AOPEP: variants seen among roughly 807,000 people sequenced by gnomAD.
AOPEP encodes aminopeptidase O (putative).
Under a neutral mutation model 98.1 loss-of-function variants are expected in AOPEP, and 77 were observed. That is an observed-to-expected ratio of 0.78 (90% CI 0.65 to 0.95). The LOEUF is 0.95. AOPEP is among the 40% of genes least tolerant of loss of function. The pLI, the probability that AOPEP is intolerant of heterozygous loss-of-function variation, is 0.00. For synonymous variants in AOPEP, 346 were observed against 365.3 expected (o/e 0.95, Z 0.60); for missense variants, 1,024 against 1,024.7 (o/e 1.00, Z 0.01).
chr9:94,801,975 T>C (rs1033976450), intron 5 of AOPEP, among the ~76,000 whole-genome samples: 1 of 152,232 alleles, frequency 6.6e-6, no homozygotes, highest in African/African-American at 2.4e-5. Context: ...GCTTTTGATC[T>C]TTACTACATG....
chr9:94,737,290 G>A (rs1226925894), intron 1 of AOPEP, among the ~76,000 whole-genome samples: 2 of 152,174 alleles, frequency 1.3e-5, no homozygotes, highest in African/African-American at 4.8e-5. Flanking sequence ...TTTTTCTTTT[G>A]TAGAGATGGG....
At chr9:94,851,605 C>T (rs957792691) in intron 5 of AOPEP, among the ~76,000 whole-genome samples, 2 of 151,660 alleles carry the variant, frequency 1.3e-5, no homozygotes, top group East Asian at 3.9e-4. Flanking sequence ...GATGTTTAAT[C>T]TTTCTGTTGG....
intron 14 of AOPEP, among the ~76,000 whole-genome samples, chr9:95,063,328 G>T (rs1329561143): frequency 6.6e-6 from 1 of 152,180 alleles, no homozygotes; most frequent in Non-Finnish European, 1.5e-5. Context: ...GCTACCCATG[G>T]CAGTGAGATG....
intron 11 of AOPEP, chr9:95,004,308 A>C (rs887562051): frequency 1.3e-5 from 6 of 456,320 alleles, no homozygotes; most frequent in Non-Finnish European, 2.6e-5. Flanking sequence ...CTTTCTCCCT[A>C]ATTATGAAAA....
intron 7 of AOPEP, among the ~76,000 whole-genome samples, chr9:94,951,597 A>G (rs183286163): frequency 6.6e-5 from 10 of 152,372 alleles, no homozygotes; most frequent in African/African-American, 1.7e-4. Context: ...AGCTGTTAGT[A>G]CTAGTCCAGT....
chr9:95,102,543 A>G, the AOPEP span, among the ~76,000 whole-genome samples: 3 of 152,216 alleles, frequency 2.0e-5, no homozygotes, highest in Admixed American at 6.5e-5. Flanking sequence ...TAAGTTTTTG[A>G]AAGAGTAACC....
intron 14 of AOPEP, among the ~76,000 whole-genome samples, chr9:95,073,432 A>G (rs2068701490): frequency 6.6e-6 from 1 of 151,576 alleles, no homozygotes; most frequent in South Asian, 2.1e-4. Flanking sequence ...TCCATCTAGT[A>G]GGTCACCAGT....
At chr9:95,027,899 A>C (rs1262378466) in intron 13 of AOPEP, among the ~76,000 whole-genome samples, 2 of 152,238 alleles carry the variant, frequency 1.3e-5, no homozygotes, top group Non-Finnish European at 2.9e-5. Flanking sequence ...TTTTCTAAAT[A>C]AGTCGTATCA....
At chr9:95,034,304 G>C (rs2064582768) in intron 13 of AOPEP, among the ~76,000 whole-genome samples, 1 of 152,204 alleles carries the variant, frequency 6.6e-6, no homozygotes, top group Non-Finnish European at 1.5e-5. Context: ...TCTTTGACAA[G>C]GGAAAATAGA....
chr9:95,107,905 T>C, the AOPEP span, among the ~76,000 whole-genome samples: 1 of 152,216 alleles, frequency 6.6e-6, no homozygotes, highest in Non-Finnish European at 1.5e-5. Context: ...TAATTATAAG[T>C]CTGCAGGTTG....
At chr9:94,806,264 A>G (rs1167276017) in intron 5 of AOPEP, among the ~76,000 whole-genome samples, 2 of 151,860 alleles carry the variant, frequency 1.3e-5, no homozygotes, top group East Asian at 1.9e-4. Context: ...GTTTCTTGTT[A>G]TTGTTGTCGT....
chr9:95,116,095 A>G, the AOPEP span, among the ~76,000 whole-genome samples: 1 of 152,244 alleles, frequency 6.6e-6, no homozygotes, highest in African/African-American at 2.4e-5. Context: ...AAGTTACACA[A>G]ACGGAAAGGT....
At chr9:95,138,307 G>A in the AOPEP span, among the ~76,000 whole-genome samples, 1 of 152,232 alleles carries the variant, frequency 6.6e-6, no homozygotes, top group Admixed American at 6.5e-5. Flanking sequence ...AGCTTTACTG[G>A]GTGGGCCAGA....
chr9:95,082,150 G>A (rs1011701090), intron 15 of AOPEP, among the ~76,000 whole-genome samples: 4 of 152,192 alleles, frequency 2.6e-5, no homozygotes, highest in African/African-American at 4.8e-5. Context: ...AGGACTTCCC[G>A]GATGAGCTCA....
At chr9:94,772,858 C>G in intron 2 of AOPEP, 144 bp from the exon 3 acceptor site, 1 of 761,402 alleles carries the variant, frequency 1.3e-6, no homozygotes, top group South Asian at 2.9e-5. Flanking sequence ...AGCTTCAGTT[C>G]AAAATGCTAG....
At chr9:94,741,366 A>G (rs1021790753) in intron 1 of AOPEP, among the ~76,000 whole-genome samples, 140 of 151,456 alleles carry the variant, frequency 9.2e-4, no homozygotes, top group African/African-American at 3.1e-3. Context: ...TCCGCCTCCC[A>G]GGTTCACGCC....
rs542380065 is a variant in AOPEP at position 94,932,872 on chromosome 9, T to G, written c.1661+4341T>G. The G allele has an allele frequency of 1.3e-5, 13 of 985,360 alleles. 1 individual carries two copies. In the South Asian group the frequency reaches 5.6e-4, roughly 43 times the overall value. 61.0% of individuals were successfully genotyped at this position (985,360 alleles called of 1,614,324 possible). On this transcript the variant is annotated intron_variant, in intron 7 of 16. Coordinates refer to ENST00000375315, the MANE Select transcript of AOPEP (RefSeq NM_001193329.3). ...CCTTGTAAGTCATTCGTTAACAGGTTTCTTGTATTTTCCTAGCCTTCTCAG... is the reference window on the plus strand; with the variant it reads ...CCTTGTAAGTCATTCGTTAACAGGTGTCTTGTATTTTCCTAGCCTTCTCAG...
intron 4 of AOPEP, among the ~76,000 whole-genome samples, chr9:94,796,092 C>A (rs1185963857): frequency 6.6e-6 from 1 of 152,144 alleles, no homozygotes; most frequent in Non-Finnish European, 1.5e-5. Context: ...AGTGCACCCT[C>A]TGTGTGCAAG....
intron 5 of AOPEP, among the ~76,000 whole-genome samples, chr9:94,913,938 T>C (rs1404553241): frequency 8.5e-5 from 13 of 152,248 alleles, no homozygotes; most frequent in Admixed American, 2.6e-4. Context: ...CTTAGTAATA[T>C]GGAATTTGTC....
Sources: gnomAD v4.1 joint callset for allele counts (sites outside exome capture counted in the v4.1 genomes callset) on GRCh38, gnomAD v4.1.1 for gene constraint, MANE v1.5 for transcripts, NCBI Gene and HGNC (gene_info 2026-07-23, HGNC 2026-07-21) for gene names.